The following STXBP5L variants were observed in gnomAD, a reference collection of about 807,000 sequenced individuals.
STXBP5L encodes syntaxin-binding protein 5-like.
A neutral mutation model predicts 144.5 loss-of-function variants in STXBP5L; 65 were observed. That is an observed-to-expected ratio of 0.45 (90% confidence interval 0.37 to 0.55). STXBP5L has a LOEUF of 0.55. Among genes scored for constraint, STXBP5L ranks in the 20% least tolerant of loss-of-function variants. The pLI is 0.00. For synonymous variants in STXBP5L, 505 were observed against 469.6 expected (o/e 1.08, Z -0.97); for missense variants, 1,298 against 1,405.5 (o/e 0.92, Z 1.22).
At chr3:121,063,759 G>A (rs546127601) in intron 5 of STXBP5L, among the ~76,000 whole-genome samples, 1 of 152,272 alleles carries the variant, frequency 6.6e-6, no homozygotes, top group African/African-American at 2.4e-5. Context: ...GCTCCATCCA[G>A]GTGGAACTTC....
chr3:121,348,822 A>G (rs4627703), intron 20 of STXBP5L, among the ~76,000 whole-genome samples: 2,681 of 151,914 alleles, frequency 0.018, 86 homozygotes, highest in African/African-American at 0.061. Flanking sequence ...ATCATTATTT[A>G]TTGCATCTAT....
intron 20 of STXBP5L, among the ~76,000 whole-genome samples, chr3:121,337,439 TAAAA>T (rs59662899): frequency 1.4e-5 from 1 of 71,096 alleles, no homozygotes; most frequent in Non-Finnish European, 3.0e-5. Flanking sequence ...GCAACAACAG[TAAAA>T]AAAAAAAAAA....
chr3:121,353,389 CT>C (rs1172381454), intron 20 of STXBP5L, among the ~76,000 whole-genome samples: 1 of 152,224 alleles, frequency 6.6e-6, no homozygotes, highest in African/African-American at 2.4e-5. Flanking sequence ...AGAGATTCAA[CT>C]TTTTCCTGGT....
At chr3:121,415,801 G>T in intron 24 of STXBP5L, 56 bp from the exon 25 acceptor site, 3 of 1,216,774 alleles carry the variant, frequency 2.5e-6, no homozygotes, top group Admixed American at 1.9e-5. Flanking sequence ...TTACCTTTTT[G>T]TATATTAATT....
At chr3:121,393,577 A>T (rs1203979741) in intron 22 of STXBP5L, among the ~76,000 whole-genome samples, 2 of 152,134 alleles carry the variant, frequency 1.3e-5, no homozygotes, top group Non-Finnish European at 2.9e-5. Context: ...CTTACATTTA[A>T]ATCTGTAATT....
intron 3 of STXBP5L, among the ~76,000 whole-genome samples, chr3:120,960,178 A>T (rs149859605): frequency 0.1 from 15,302 of 152,122 alleles, 1,158 homozygotes; most frequent in Admixed American, 0.2. Flanking sequence ...TCACTGGGCA[A>T]CAGAGAAATG....
intron 2 of STXBP5L, among the ~76,000 whole-genome samples, chr3:120,951,674 T>C (rs1286949604): frequency 6.6e-6 from 1 of 151,728 alleles, no homozygotes; most frequent in East Asian, 1.9e-4. Flanking sequence ...GGAGAGGATG[T>C]GGAGAAATAG....
intron 9 of STXBP5L, among the ~76,000 whole-genome samples, chr3:121,204,775 T>C (rs1577203743): frequency 1.3e-5 from 2 of 152,118 alleles, no homozygotes; most frequent in East Asian, 3.9e-4. Context: ...CAAGCCAGTT[T>C]AACCAAAATG....
intron 3 of STXBP5L, among the ~76,000 whole-genome samples, chr3:121,040,417 T>C (rs1304088362): frequency 6.6e-6 from 1 of 152,102 alleles, no homozygotes; most frequent in East Asian, 1.9e-4. Flanking sequence ...GGTGGGAACA[T>C]GAAAAATTCT....
intron 10 of STXBP5L, among the ~76,000 whole-genome samples, chr3:121,220,465 CA>C (rs926743319): frequency 6.6e-6 from 1 of 152,014 alleles, no homozygotes; most frequent in Non-Finnish European, 1.5e-5. Flanking sequence ...TGTGGTACAG[CA>C]TTATCAAACA....
chr3:120,958,049 G>A (rs567708949), intron 3 of STXBP5L, among the ~76,000 whole-genome samples: 1 of 151,850 alleles, frequency 6.6e-6, no homozygotes, highest in Non-Finnish European at 1.5e-5. Context: ...GAGTCAAATA[G>A]ACACAATAAA....
At chr3:121,013,878 A>C (rs1944956373) in intron 3 of STXBP5L, among the ~76,000 whole-genome samples, 1 of 152,028 alleles carries the variant, frequency 6.6e-6, no homozygotes, top group Non-Finnish European at 1.5e-5. Context: ...TCCCAGCATC[A>C]TTTATTGAAT....
In STXBP5L at chr3:121,257,254, C is replaced by T. The variant is rs746414321; in HGVS notation, c.1753C>T (p.Pro585Ser). 8 of 1,613,918 alleles carry T rather than the reference C, an allele frequency of 5.0e-6. No homozygotes were observed. In the South Asian group the frequency reaches 6.6e-5, roughly 13 times the overall value. The change falls in exon 17 of 27, where the codon CCT (proline) becomes TCT (serine). Residue 585 changes from proline to serine, a missense_variant. Coordinates refer to ENST00000471454, the MANE Select transcript of STXBP5L (RefSeq NM_001308330.2). ...PPFPDLSAQL[P>S]SSRSLSGSTN... ...GTTTCCAGATCTCTCAGCCCAGCTTCCTTCTTCAAGGAGTCTTTCTGGGAG... is the reference window on the plus strand; with the variant it reads ...GTTTCCAGATCTCTCAGCCCAGCTTTCTTCTTCAAGGAGTCTTTCTGGGAG...
chr3:121,402,216 T>C (rs2046895089), intron 22 of STXBP5L, among the ~76,000 whole-genome samples: 1 of 152,184 alleles, frequency 6.6e-6, no homozygotes, highest in African/African-American at 2.4e-5. Context: ...GATATTATAA[T>C]AAGCACTGAA....
intron 18 of STXBP5L, among the ~76,000 whole-genome samples, chr3:121,265,999 C>T (rs2050551737): frequency 6.6e-6 from 1 of 151,996 alleles, no homozygotes; most frequent in Non-Finnish European, 1.5e-5. Flanking sequence ...GCCTACCAAC[C>T]AAAAAATGTC....
intron 3 of STXBP5L, among the ~76,000 whole-genome samples, chr3:121,000,820 C>T (rs190459884): frequency 2.0e-5 from 3 of 152,138 alleles, no homozygotes; most frequent in Non-Finnish European, 4.4e-5. Flanking sequence ...TTTGAATGTT[C>T]GACTGTGGTA....
In STXBP5L at chr3:121,354,508, CTTTTTTT is replaced by C. The variant is rs145703750; in HGVS notation, c.2177-24193_2177-24187del. Among the ~76,000 whole-genome samples the C allele has an allele frequency of 5.9e-5, 4 of 67,542 alleles. No individual in the cohort carries two copies. In the East Asian group the frequency reaches 1.7e-3, roughly 28 times the overall value. The allele number at this position is 67,542 out of a possible 152,430, so 44.3% of individuals were successfully genotyped here. A position where few individuals can be genotyped will look rare whatever the true frequency, so the allele number is the denominator to read the frequency against. On this transcript the variant is annotated intron_variant, in intron 20 of 26. Coordinates refer to ENST00000471454, the MANE Select transcript of STXBP5L (RefSeq NM_001308330.2). ...GTCAGAGGCTAGAATTGCAACCCTG[CTTTTTTT>C]TTTTTTTTTTTTTTGCTCTCCATGT...
At chr3:121,030,933 A>G (rs1946324476) in intron 3 of STXBP5L, among the ~76,000 whole-genome samples, 1 of 152,154 alleles carries the variant, frequency 6.6e-6, no homozygotes, top group South Asian at 2.1e-4. Context: ...GGAGAGCTGG[A>G]AAAATGAGTT....
intron 10 of STXBP5L, among the ~76,000 whole-genome samples, chr3:121,206,728 C>G (rs1034331558): frequency 6.6e-6 from 1 of 152,066 alleles, no homozygotes; most frequent in Non-Finnish European, 1.5e-5. Context: ...GCACAAGAAT[C>G]CTTTGAGCCC....
Sources: allele counts gnomAD v4.1 joint callset (sites outside exome capture counted in the v4.1 genomes callset), GRCh38; gene constraint gnomAD v4.1.1; transcripts MANE v1.5; gene names NCBI Gene and HGNC (gene_info 2026-07-23, HGNC 2026-07-21).